Variants in GRIK1 observed in about 807,000 individuals in gnomAD.
GRIK1 encodes the protein glutamate receptor ionotropic, kainate 1.
GRIK1 carries 69 observed loss-of-function variants against 105.7 expected under a neutral mutation model. The ratio of observed to expected loss-of-function variants is 0.65; its 90% CI spans 0.54 to 0.80. GRIK1 has a LOEUF of 0.80. Ranked by LOEUF, GRIK1 falls within the 30% of genes least tolerant of loss-of-function variation. The probability of loss-of-function intolerance (pLI) is 0.00; values close to 1 mark genes in which losing one functional copy is unlikely to be tolerated. For synonymous variants in GRIK1, 438 were observed against 431.3 expected, an observed-to-expected ratio of 1.02 and a Z score of -0.19; for missense variants, 1,109 against 1,167.3, an observed-to-expected ratio of 0.95 and a Z score of 0.73.
intron 7 of GRIK1, among the ~76,000 whole-genome samples, chr21:29,616,313 T>A (rs1203433572): frequency 6.6e-6 from 1 of 152,176 alleles, no homozygotes; most frequent in Admixed American, 6.5e-5. Flanking sequence ...TACGTTTAGA[T>A]TTAAAAAAAA....
intron 1 of GRIK1, among the ~76,000 whole-genome samples, chr21:29,755,893 A>G (rs1169819129): frequency 6.6e-6 from 1 of 152,204 alleles, no homozygotes; most frequent in Non-Finnish European, 1.5e-5. Context: ...ATAACATTTT[A>G]CCAGGAGCTG....
chr21:29,683,041 A>G (rs1023545087), intron 3 of GRIK1, among the ~76,000 whole-genome samples: 2 of 152,354 alleles, frequency 1.3e-5, no homozygotes, highest in East Asian at 1.9e-4. Flanking sequence ...AATGCTCATC[A>G]TGACAGATCA....
chr21:29,811,508 A>AT (rs2067009175), intron 1 of GRIK1, among the ~76,000 whole-genome samples: 1 of 152,138 alleles, frequency 6.6e-6, no homozygotes, highest in African/African-American at 2.4e-5. Flanking sequence ...AAAGAAAAAA[A>AT]CTATTTTTGT....
chr21:29,901,550 G>A (rs456498), intron 1 of GRIK1, among the ~76,000 whole-genome samples: 33,606 of 151,948 alleles, frequency 0.22, 4,228 homozygotes, highest in African/African-American at 0.34. Flanking sequence ...TCTAGAAGAA[G>A]TGGATAAATT....
At chr21:29,663,632 G>T (rs1040185947) in intron 4 of GRIK1, among the ~76,000 whole-genome samples, 2 of 152,050 alleles carry the variant, frequency 1.3e-5, no homozygotes, top group African/African-American at 4.8e-5. Context: ...TCTAAAATTT[G>T]TAACAGATTT....
In GRIK1 at chr21:29,816,026, A is replaced by C. The variant is rs566493994; in HGVS notation, c.119-121963T>G. ...TGAAGAGACAATCTATTGATGGGAA[A>C]AAATACCTGCCAACTATTCATCTGA... On this transcript the variant is annotated intron_variant, in intron 1 of 17. Coordinates refer to ENST00000327783, the MANE Select transcript of GRIK1 (RefSeq NM_001330994.2). Among the ~76,000 whole-genome samples, 3 of 152,262 alleles carry C rather than the reference A, an allele frequency of 2.0e-5. No homozygotes were observed. In the East Asian group the frequency reaches 5.8e-4, roughly 29 times the overall value.
chr21:29,582,566 C>A (rs1033536746), intron 12 of GRIK1, among the ~76,000 whole-genome samples: 2 of 152,088 alleles, frequency 1.3e-5, no homozygotes, highest in Non-Finnish European at 2.9e-5. Context: ...ATCTGTGGAA[C>A]CAAATATATT....
intron 1 of GRIK1, among the ~76,000 whole-genome samples, chr21:29,870,546 C>T (rs1221607099): frequency 6.6e-6 from 1 of 151,330 alleles, no homozygotes; most frequent in East Asian, 1.9e-4. Flanking sequence ...TTATTAAATA[C>T]ATTACATTTA....
chr21:29,724,894 T>C (rs1441460597), intron 1 of GRIK1, among the ~76,000 whole-genome samples: 2 of 152,094 alleles, frequency 1.3e-5, no homozygotes, highest in African/African-American at 4.8e-5. Flanking sequence ...TTGGAGGTCA[T>C]TTAACGTGGG....
intron 7 of GRIK1, among the ~76,000 whole-genome samples, chr21:29,608,679 C>G (rs1433344966): frequency 6.6e-6 from 1 of 152,110 alleles, no homozygotes; most frequent in Non-Finnish European, 1.5e-5. Context: ...CTGCTTTACT[C>G]TCATGTTTTT....
chr21:29,871,704 C>T (rs372297356), intron 1 of GRIK1, among the ~76,000 whole-genome samples: 7 of 151,836 alleles, frequency 4.6e-5, no homozygotes, highest in African/African-American at 1.4e-4. Flanking sequence ...TTTCTCAAGA[C>T]CTGCACACTG....
At chr21:29,907,145 T>C (rs985253657) in intron 1 of GRIK1, among the ~76,000 whole-genome samples, 4 of 152,196 alleles carry the variant, frequency 2.6e-5, no homozygotes, top group Non-Finnish European at 5.9e-5. Flanking sequence ...TTTTTTGTTT[T>C]TGTTTTTGTT....
chr21:29,560,574 T>TCTCTCTCTCTC (rs2090450222), intron 15 of GRIK1, among the ~76,000 whole-genome samples: 3 of 124,182 alleles, frequency 2.4e-5, no homozygotes, highest in African/African-American at 1.2e-4. Context: ...CTTTCTTTCT[T>TCTCTCTCTCTC]TCTCTCTTTC....
intron 7 of GRIK1, among the ~76,000 whole-genome samples, chr21:29,621,964 G>T (rs1370753854): frequency 0.011 from 1,310 of 114,804 alleles, 17 homozygotes; most frequent in African/African-American, 0.043. Context: ...TTTTTTTTTT[G>T]AGTTGGAGTT....
intron 1 of GRIK1, among the ~76,000 whole-genome samples, chr21:29,778,994 G>A (rs571052459): frequency 3.3e-5 from 5 of 152,168 alleles, no homozygotes; most frequent in South Asian, 2.1e-4. Flanking sequence ...CTTCTATTTC[G>A]AATTGTGAGA....
intron 1 of GRIK1, among the ~76,000 whole-genome samples, chr21:29,805,691 A>G (rs959565472): frequency 6.6e-6 from 1 of 152,116 alleles, no homozygotes; most frequent in Admixed American, 6.6e-5. Flanking sequence ...ACTAATGCAC[A>G]GGGTGCCAAT....
chr21:29,671,149 G>A (rs1048116794), intron 4 of GRIK1, among the ~76,000 whole-genome samples: 3 of 152,034 alleles, frequency 2.0e-5, no homozygotes, highest in Non-Finnish European at 4.4e-5. Context: ...TGGGGACAGA[G>A]TCTCACTCTG....
chr21:29,676,347 T>C (rs1447516934), intron 3 of GRIK1, among the ~76,000 whole-genome samples: 1 of 152,126 alleles, frequency 6.6e-6, no homozygotes, highest in African/African-American at 2.4e-5. Context: ...CCTGAAGCAA[T>C]TGTTTGCTTA....
At chr21:29,790,882 T>G (rs1042332376) in intron 1 of GRIK1, among the ~76,000 whole-genome samples, 1 of 152,050 alleles carries the variant, frequency 6.6e-6, no homozygotes, top group Non-Finnish European at 1.5e-5. Flanking sequence ...ACATTCCAGG[T>G]GGGGTGATGG....
Sources: allele counts gnomAD v4.1 joint callset (sites outside exome capture counted in the v4.1 genomes callset), GRCh38; gene constraint gnomAD v4.1.1; transcripts MANE v1.5; gene names NCBI Gene and HGNC (gene_info 2026-07-23, HGNC 2026-07-21).